Variants in LRP1B observed in about 807,000 individuals in gnomAD.
LRP1B encodes the protein LDL receptor related protein 1B.
Under a neutral mutation model 556.6 loss-of-function variants are expected in LRP1B, and 217 were observed. That is an observed-to-expected ratio of 0.39 (90% CI 0.35 to 0.44). LRP1B has a LOEUF of 0.44. LRP1B is among the 20% of genes least tolerant of loss of function. The pLI, the probability that LRP1B is intolerant of heterozygous loss-of-function variation, is 1.00. For synonymous variants in LRP1B, 2,047 were observed against 1,865.8 expected, an observed-to-expected ratio of 1.10 and a Z score of -2.50; for missense variants, 5,053 against 5,620.8, an observed-to-expected ratio of 0.90 and a Z score of 3.23.
chr2:140,424,272 A>T (rs866890820), intron 66 of LRP1B, among the ~76,000 whole-genome samples: 10 of 152,364 alleles, frequency 6.6e-5, no homozygotes, highest in South Asian at 2.1e-4. Context: ...AAAATTTTTT[A>T]AAATTACGAA....
chr2:142,042,585 A>G (rs1704100617), intron 1 of LRP1B, among the ~76,000 whole-genome samples: 1 of 151,456 alleles, frequency 6.6e-6, no homozygotes. Context: ...CACAGCAATA[A>G]AAAAGGGACA....
rs144464547 is a variant in LRP1B, at chr2:140,822,644, A to G, written c.5210-8838T>C. 4.6e-5 allele frequency among the ~76,000 whole-genome samples: 7 copies of G among 152,310 alleles called. No homozygotes were observed. The East Asian group carries it at 1.2e-3, about 25-fold the overall frequency. On this transcript the variant is annotated intron_variant, in intron 31 of 90. Coordinates refer to ENST00000389484, the MANE Select transcript of LRP1B (RefSeq NM_018557.3). ...TACTCCTGGCTGCTTAGAAAAGTCA[A>G]CTGCTGTGTCCTAACTGGGTCCACA...
chr2:141,569,854 C>T lies in LRP1B; in HGVS notation c.206-89321G>A, dbSNP rs538274654. On this transcript the variant is annotated intron_variant, in intron 2 of 90. Coordinates refer to ENST00000389484, the MANE Select transcript of LRP1B (RefSeq NM_018557.3). Reference sequence around the variant, plus strand: ...TGAGATGAAGGCACATCTAAGAAAGCAAGTGAGAAAAATTGAGAACACAGT... The same window carrying T: ...TGAGATGAAGGCACATCTAAGAAAGTAAGTGAGAAAAATTGAGAACACAGT... Among the ~76,000 whole-genome samples, 20 of 151,232 alleles carry T rather than the reference C, an allele frequency of 1.3e-4. 1 individual carries two copies. The highest frequency in any genetic ancestry group is 4.6e-4 in the African/African-American group (19 of 41,440).
intron 7 of LRP1B, among the ~76,000 whole-genome samples, chr2:141,179,075 T>C (rs1342124748): frequency 6.6e-6 from 1 of 152,056 alleles, no homozygotes; most frequent in Non-Finnish European, 1.5e-5. Context: ...TTTTATGCAA[T>C]TAATAAATTT....
At chr2:141,787,130 C>A (rs1388474359) in intron 2 of LRP1B, among the ~76,000 whole-genome samples, 1 of 151,940 alleles carries the variant, frequency 6.6e-6, no homozygotes, top group African/African-American at 2.4e-5. Context: ...GGAACTCTCA[C>A]ACATTGCTAG....
intron 18 of LRP1B, among the ~76,000 whole-genome samples, chr2:140,974,885 T>C (rs1306441156): frequency 6.6e-6 from 1 of 152,254 alleles, no homozygotes; most frequent in African/African-American, 2.4e-5. Flanking sequence ...ACAGACTCCA[T>C]GAGAATCATT....
chr2:141,309,713 G>A (rs961035749), intron 3 of LRP1B, among the ~76,000 whole-genome samples: 8 of 152,102 alleles, frequency 5.3e-5, no homozygotes, highest in South Asian at 4.1e-4. Context: ...GGGCCAGTTC[G>A]GGGGTAGAGG....
intron 1 of LRP1B, among the ~76,000 whole-genome samples, chr2:142,129,540 T>G (rs1009046761): frequency 6.6e-6 from 1 of 152,028 alleles, no homozygotes; most frequent in African/African-American, 2.4e-5. Context: ...AATGCAACAT[T>G]CTGCCTATTT....
Position 141,715,101 on chromosome 2 carries a change from T to C in LRP1B, c.205+95178A>G, listed in dbSNP as rs151241151. Reference sequence around the variant, plus strand: ...TTCTGAAATCACACTCTCTTTGTAATAGAAACCAAACAAAGTGTACAGGTA... The same window carrying C: ...TTCTGAAATCACACTCTCTTTGTAACAGAAACCAAACAAAGTGTACAGGTA... On this transcript the variant is annotated intron_variant, in intron 2 of 90. Coordinates refer to ENST00000389484, the MANE Select transcript of LRP1B (RefSeq NM_018557.3). Among the ~76,000 whole-genome samples, 213 of 152,238 alleles carry C rather than the reference T, an allele frequency of 1.4e-3. 1 individual carries two copies. The highest frequency in any genetic ancestry group is 2.5e-3 in the Non-Finnish European group (168 of 68,002).
chr2:140,978,016 C>T (rs1425512743), intron 18 of LRP1B, among the ~76,000 whole-genome samples: 1 of 152,168 alleles, frequency 6.6e-6, no homozygotes, highest in Non-Finnish European at 1.5e-5. Context: ...ACAGGCTTCA[C>T]AATTTGAATA....
chr2:140,273,935 C>T (rs1468480819), intron 85 of LRP1B, among the ~76,000 whole-genome samples: 4 of 151,974 alleles, frequency 2.6e-5, no homozygotes, highest in African/African-American at 9.7e-5. Flanking sequence ...CTTCTGTTTG[C>T]TTTGATCATA....
chr2:140,826,373 T>G (rs566497784), intron 31 of LRP1B, among the ~76,000 whole-genome samples: 8 of 152,124 alleles, frequency 5.3e-5, no homozygotes, highest in Non-Finnish European at 1.0e-4. Context: ...AAAATATGCA[T>G]GTTAGGTTAA....
At chr2:140,796,297 A>T (rs1245654779) in intron 32 of LRP1B, among the ~76,000 whole-genome samples, 2 of 152,052 alleles carry the variant, frequency 1.3e-5, no homozygotes, top group African/African-American at 4.8e-5. Context: ...CTGATCATCA[A>T]TTATAATCTG....
At chr2:141,939,194 A>G (rs1389025303) in intron 1 of LRP1B, among the ~76,000 whole-genome samples, 1 of 152,104 alleles carries the variant, frequency 6.6e-6, no homozygotes, top group Non-Finnish European at 1.5e-5. Context: ...GCTTGACTAT[A>G]GTAATAATTT....
intron 7 of LRP1B, among the ~76,000 whole-genome samples, chr2:141,125,892 A>T (rs1701194197): frequency 7.7e-6 from 1 of 129,276 alleles, no homozygotes; most frequent in African/African-American, 2.7e-5. Flanking sequence ...TTTTAAAATT[A>T]ATTTCTGTCA....
At chr2:140,349,438 A>T (rs1283790895) in intron 77 of LRP1B, among the ~76,000 whole-genome samples, 1 of 152,006 alleles carries the variant, frequency 6.6e-6, no homozygotes, top group Admixed American at 6.6e-5. Flanking sequence ...CCATCTAAAT[A>T]ATACTTCCTA....
intron 3 of LRP1B, among the ~76,000 whole-genome samples, chr2:141,471,278 T>G (rs200138374): frequency 0.12 from 16,873 of 144,784 alleles, 1,331 homozygotes; most frequent in South Asian, 0.29. Context: ...ATTTTTTTTT[T>G]TTTTTTTTTT....
chr2:141,408,965 A>T (rs1040497203), intron 3 of LRP1B, among the ~76,000 whole-genome samples: 2 of 152,208 alleles, frequency 1.3e-5, no homozygotes, highest in African/African-American at 4.8e-5. Context: ...GCTGGATTGC[A>T]GCAAGTTCTA....
At chr2:141,437,467 T>G (rs1680802492) in intron 3 of LRP1B, among the ~76,000 whole-genome samples, 1 of 152,050 alleles carries the variant, frequency 6.6e-6, no homozygotes, top group Admixed American at 6.6e-5. Context: ...ATAAGAACCG[T>G]ATGTAAAGAA....
Sources: allele counts gnomAD v4.1 joint callset (sites outside exome capture counted in the v4.1 genomes callset), GRCh38; gene constraint gnomAD v4.1.1; transcripts MANE v1.5; gene names NCBI Gene and HGNC (gene_info 2026-07-23, HGNC 2026-07-21).